FHIT: variants seen among roughly 807,000 people sequenced by gnomAD.
FHIT encodes bis(5'-adenosyl)-triphosphatase.
In FHIT, 19 loss-of-function variants were observed where a neutral mutation model predicts 17.9. The observed-to-expected ratio is 1.06, with a 90% CI of 0.74 to 1.56. The LOEUF (loss-of-function observed/expected upper bound fraction) is 1.56. FHIT is among the 40% of genes most tolerant of loss of function. The pLI is 0.00. For missense variants in FHIT, 248 were observed against 189.2 expected, an observed-to-expected ratio of 1.31 and a Z score of -1.82; for synonymous variants, 81 against 69.7, an observed-to-expected ratio of 1.16 and a Z score of -0.81.
intron 5 of FHIT, among the ~76,000 whole-genome samples, chr3:60,034,591 C>T (rs952195513): frequency 2.0e-4 from 31 of 152,114 alleles, no homozygotes; most frequent in Admixed American, 2.0e-3. Context: ...ATTACACAAA[C>T]TAAAGTTGGT....
At position 60,957,503 on chromosome 3, in the gene FHIT, C is replaced by T. The variant is rs373406048; in HGVS notation, c.-111+84544G>A. ...CCACCCGCCTTGGCCTCCCAAAGTG[C>T]TGGGATTACAGGCGTGAGCCATGGC... On this transcript the variant is annotated intron_variant, in intron 3 of 9. Coordinates refer to ENST00000492590, the MANE Select transcript of FHIT (RefSeq NM_002012.4). 1.2e-4 allele frequency among the ~76,000 whole-genome samples: 18 copies of T among 152,286 alleles called. 1 individual carries two copies. The South Asian group carries it at 2.3e-3, about 19-fold the overall frequency.
intron 3 of FHIT, among the ~76,000 whole-genome samples, chr3:60,993,802 C>T (rs936392505): frequency 4.6e-5 from 7 of 152,146 alleles, no homozygotes; most frequent in Admixed American, 2.0e-4. Context: ...GAGGTCTGAA[C>T]GAGGGCCTAG....
chr3:60,267,797 T>C (rs1706660001), intron 5 of FHIT, among the ~76,000 whole-genome samples: 1 of 152,204 alleles, frequency 6.6e-6, no homozygotes, highest in East Asian at 1.9e-4. Flanking sequence ...TCTAGATTGC[T>C]GATCACCACG....
chr3:60,526,290 C>T (rs561821705), intron 5 of FHIT, among the ~76,000 whole-genome samples: 33 of 152,152 alleles, frequency 2.2e-4, no homozygotes, highest in African/African-American at 7.7e-4. Context: ...TAAAGTCTCG[C>T]CCCCGTTTGT....
At chr3:60,182,161 A>T (rs1423039270) in intron 5 of FHIT, among the ~76,000 whole-genome samples, 2 of 152,158 alleles carry the variant, frequency 1.3e-5, no homozygotes, top group Non-Finnish European at 2.9e-5. Context: ...ATGAGCAATG[A>T]AGGCAACTAG....
At chr3:60,279,758 T>C (rs941910137) in intron 5 of FHIT, among the ~76,000 whole-genome samples, 1 of 151,756 alleles carries the variant, frequency 6.6e-6, no homozygotes, top group African/African-American at 2.4e-5. Context: ...TGGTGGAACG[T>C]TCAAAAACTC....
At chr3:60,839,129 A>G (rs141788573) in intron 3 of FHIT, among the ~76,000 whole-genome samples, 87 of 152,270 alleles carry the variant, frequency 5.7e-4, no homozygotes, top group African/African-American at 2.0e-3. Flanking sequence ...CTAAGGAGTA[A>G]ACTTTATCCT....
At chr3:59,773,800 C>T (rs1057294729) in intron 8 of FHIT, among the ~76,000 whole-genome samples, 3 of 152,102 alleles carry the variant, frequency 2.0e-5, no homozygotes, top group African/African-American at 7.2e-5. Flanking sequence ...TTTAAAGCTG[C>T]CTCGCCCAGG....
intron 5 of FHIT, among the ~76,000 whole-genome samples, chr3:60,258,879 T>G (rs533315479): frequency 2.6e-5 from 4 of 152,226 alleles, no homozygotes; most frequent in African/African-American, 9.6e-5. Flanking sequence ...TCCCTGTATC[T>G]TCAGAGATAA....
At chr3:60,877,618 G>C (rs2107106481) in intron 3 of FHIT, among the ~76,000 whole-genome samples, 1 of 152,280 alleles carries the variant, frequency 6.6e-6, no homozygotes, top group East Asian at 1.9e-4. Flanking sequence ...CTGAGTTAAA[G>C]TGTCACATTG....
intron 4 of FHIT, among the ~76,000 whole-genome samples, chr3:60,544,596 ATT>A (rs33965820): frequency 1.1e-4 from 14 of 124,394 alleles, no homozygotes; most frequent in East Asian, 4.7e-4. Flanking sequence ...TTCTCAACCT[ATT>A]TTTTTTTTTT....
intron 2 of FHIT, among the ~76,000 whole-genome samples, chr3:61,153,853 T>C (rs1469131369): frequency 6.6e-6 from 1 of 152,196 alleles, no homozygotes; most frequent in Non-Finnish European, 1.5e-5. Context: ...CAGCCTTAAA[T>C]TATTGTTAGC....
chr3:60,628,702 C>T (rs1221194896), intron 4 of FHIT, among the ~76,000 whole-genome samples: 1 of 152,158 alleles, frequency 6.6e-6, no homozygotes, highest in Non-Finnish European at 1.5e-5. Flanking sequence ...AGCTACCAGC[C>T]TCCTTTTAAT....
At chr3:59,875,570 G>C (rs538555464) in intron 8 of FHIT, among the ~76,000 whole-genome samples, 1 of 152,092 alleles carries the variant, frequency 6.6e-6, no homozygotes, top group African/African-American at 2.4e-5. Flanking sequence ...TTATATTTTT[G>C]TGATATCAGG....
intron 4 of FHIT, among the ~76,000 whole-genome samples, chr3:60,590,742 G>T (rs2038057747): frequency 6.6e-6 from 1 of 152,054 alleles, no homozygotes; most frequent in Non-Finnish European, 1.5e-5. Context: ...CTCACATGTT[G>T]CACCACAGCT....
intron 8 of FHIT, among the ~76,000 whole-genome samples, chr3:59,899,695 A>AC (rs1460983438): frequency 6.6e-6 from 1 of 151,954 alleles, no homozygotes; most frequent in Non-Finnish European, 1.5e-5. Context: ...ACAAAAAAAA[A>AC]ATTAGCTGGG....
chr3:60,974,798 T>G (rs993044100), intron 3 of FHIT, among the ~76,000 whole-genome samples: 8 of 152,116 alleles, frequency 5.3e-5, no homozygotes, highest in South Asian at 2.1e-4. Context: ...CCACCTACAT[T>G]TACAGGATGC....
intron 8 of FHIT, among the ~76,000 whole-genome samples, chr3:59,758,471 A>G (rs1701332038): frequency 6.6e-6 from 1 of 152,284 alleles, no homozygotes; most frequent in African/African-American, 2.4e-5. Flanking sequence ...CGGCCCTACA[A>G]ATGCAAAGCT....
chr3:59,901,162 C>T (rs1267671733), intron 8 of FHIT, among the ~76,000 whole-genome samples: 1 of 152,120 alleles, frequency 6.6e-6, no homozygotes, highest in African/African-American at 2.4e-5. Context: ...TCTAACATGT[C>T]TTAGTGTCAT....
Sources: allele counts gnomAD v4.1 joint callset (sites outside exome capture counted in the v4.1 genomes callset), GRCh38; gene constraint gnomAD v4.1.1; transcripts MANE v1.5; gene names NCBI Gene and HGNC (gene_info 2026-07-23, HGNC 2026-07-21).